TLE1: variants seen among roughly 807,000 people sequenced by gnomAD.
TLE1 encodes the protein transducin-like enhancer protein 1.
In TLE1, 21 loss-of-function variants were observed where a neutral mutation model predicts 89.8. The ratio of observed to expected loss-of-function variants is 0.23; its 90% confidence interval spans 0.17 to 0.34. The LOEUF (loss-of-function observed/expected upper bound fraction) is 0.34. TLE1 is among the 10% of genes least tolerant of loss of function. The pLI, the probability that TLE1 is intolerant of heterozygous loss-of-function variation, is 1.00. For missense variants in TLE1, 795 were observed against 1,031.2 expected (o/e 0.77, Z 3.14); for synonymous variants, 447 against 407.6 (o/e 1.10, Z -1.16).
Position 81,611,805 on chromosome 9 carries a change from G to A in TLE1, c.1218C>T (p.Ala406=), listed in dbSNP as rs752684376. 1.4e-4 allele frequency: 214 copies of A among 1,548,164 alleles called. No individual in the cohort carries two copies. Among genetic ancestry groups the A allele is most frequent in the South Asian group, 3.6e-5 (3 of 82,454 alleles). Residue 406 remains alanine (A), a synonymous_variant, in exon 13 of 20, where the codon GCC becomes GCT. Transcript: ENST00000376499. The part of the protein sequence containing the change: ...NMSPQMSAAA[A]AAAVVAYGRS... ...GCCCGTAGGCCACCACGGCGGCCGC[G>A]GCGGCTGCGGCGCTCATCTGGGGCG...
chr9:81,612,312 G>A (rs1358744348), intron 12 of TLE1: 36 of 1,041,724 alleles, frequency 3.5e-5, no homozygotes, highest in Admixed American at 5.6e-5. Context: ...CTCAAAAGAA[G>A]ATTTTCTCGA....
At chr9:81,620,617 C>T in intron 8 of TLE1, 60 bp from the exon 9 acceptor site, 1 of 1,570,740 alleles carries the variant, frequency 6.4e-7, no homozygotes. Flanking sequence ...CACATGAAAC[C>T]CAACCTCGAT....
At chr9:81,651,596 A>C (rs1427875209) in intron 6 of TLE1, among the ~76,000 whole-genome samples, 1 of 152,214 alleles carries the variant, frequency 6.6e-6, no homozygotes, top group Non-Finnish European at 1.5e-5. Context: ...AGAAAGAACA[A>C]GAGCCAACAG....
intron 4 of TLE1, 43 bp downstream of exon 4, chr9:81,685,633 G>C (rs1385231748): frequency 3.8e-6 from 6 of 1,598,920 alleles, no homozygotes; most frequent in Non-Finnish European, 5.1e-6. Flanking sequence ...TAAATCATAT[G>C]AACTGATGTC....
At chr9:81,643,159 G>A (rs1016093544) in intron 6 of TLE1, among the ~76,000 whole-genome samples, 4 of 152,050 alleles carry the variant, frequency 2.6e-5, no homozygotes, top group African/African-American at 9.7e-5. Flanking sequence ...GGTACAACAC[G>A]GTGACTATAG....
chr9:81,686,611 T>G (rs748321881), intron 2 of TLE1, among the ~76,000 whole-genome samples: 20 of 152,224 alleles, frequency 1.3e-4, no homozygotes, highest in Non-Finnish European at 2.8e-4. Context: ...CAGTTATTTC[T>G]GAGTTAGAAT....
chr9:81,665,963 T>C (rs927521521), intron 4 of TLE1, among the ~76,000 whole-genome samples: 1 of 152,130 alleles, frequency 6.6e-6, no homozygotes, highest in Non-Finnish European at 1.5e-5. Flanking sequence ...GTCTAATTAA[T>C]GACTTAAATG....
At chr9:81,631,038 T>C (rs1379682495) in intron 8 of TLE1, among the ~76,000 whole-genome samples, 3 of 152,212 alleles carry the variant, frequency 2.0e-5, no homozygotes, top group Non-Finnish European at 4.4e-5. Context: ...GTTCTGAAAA[T>C]ATTCATTGAA....
At chr9:81,687,534 A>C (rs1834463419) in intron 1 of TLE1, 100 bp from the exon 2 acceptor site, 1 of 864,766 alleles carries the variant, frequency 1.2e-6, no homozygotes, top group African/African-American at 1.7e-5. Flanking sequence ...ATAAACATAA[A>C]GTTAGAAGTG....
At chr9:81,663,717 G>A (rs1276129754) in intron 4 of TLE1, among the ~76,000 whole-genome samples, 1 of 151,496 alleles carries the variant, frequency 6.6e-6, no homozygotes, top group Non-Finnish European at 1.5e-5. Flanking sequence ...CTGCCTCCCG[G>A]GTTCACGCCA....
rs1019304830 is a variant in TLE1, at chr9:81,611,871, C to T, written c.1152G>A (p.Leu384=). The T allele has an allele frequency of 2.6e-6, 4 of 1,556,010 alleles. No homozygotes were observed. In the African/African-American group the frequency reaches 5.7e-5, roughly 22 times the overall value. The change falls in exon 13 of 20, where the codon CTG becomes CTA. Residue 384 remains leucine, a synonymous_variant. Transcript: ENST00000376499. ...MVPHAGMNGE[L]TSPGAAYASL... is the part of the protein sequence containing the mutation. Reference sequence around the variant, plus strand: ...TGGCGTAGGCAGCGCCTGGGCTGGTCAGCTCGCCGTTCATGCCAGCGTGGG... The same window carrying T: ...TGGCGTAGGCAGCGCCTGGGCTGGTTAGCTCGCCGTTCATGCCAGCGTGGG...
In TLE1 at chr9:81,591,013, C is replaced by A; in HGVS notation, c.1621G>T (p.Asp541Tyr). ...CCTCCCACTATGAGAGTGCAGCCAT[C>A]GGGTAGCAATTTACAGGAACGGATA... is the stretch of plus-strand genomic sequence containing the variant. ...NYIRSCKLLP[D>Y]GCTLIVGGEA... Residue 541 changes from aspartate to tyrosine, a missense_variant, in exon 16 of 20, where the codon GAT becomes TAT. Transcript: ENST00000376499. 1 of 1,614,194 alleles carries A rather than the reference C, an allele frequency of 6.2e-7. No individual in the cohort carries two copies. Among genetic ancestry groups the A allele is most frequent in the Non-Finnish European group, 8.5e-7 (1 of 1,180,030 alleles).
intron 14 of TLE1, among the ~76,000 whole-genome samples, chr9:81,594,551 A>C (rs554164132): frequency 8.5e-5 from 13 of 152,262 alleles, no homozygotes; most frequent in African/African-American, 3.1e-4. Flanking sequence ...CTTAAAAAAA[A>C]AAAAAATTAT....
At chr9:81,679,094 A>T (rs1169071689) in intron 4 of TLE1, among the ~76,000 whole-genome samples, 1 of 152,158 alleles carries the variant, frequency 6.6e-6, no homozygotes, top group Non-Finnish European at 1.5e-5. Flanking sequence ...GCTGCAGTGA[A>T]CCAAGATTGC....
At chr9:81,670,598 G>A (rs1832088689) in intron 4 of TLE1, among the ~76,000 whole-genome samples, 1 of 151,918 alleles carries the variant, frequency 6.6e-6, no homozygotes, top group Non-Finnish European at 1.5e-5. Flanking sequence ...GCCTCCCAAA[G>A]TGCTGGGATT....
chr9:81,584,434 G>A lies in TLE1; in HGVS notation c.2205+14C>T. ...TGGTCAAACTGTGGATCTAGGTGAG[G>A]AGTACTTACTCACCTGGAATATGCT... On this transcript the variant is annotated intron_variant, in intron 19 of 19. Coordinates refer to ENST00000376499, the MANE Select transcript of TLE1 (RefSeq NM_005077.5). 6.2e-7 allele frequency: 1 copy of A among 1,613,488 alleles called. No homozygotes were observed. Among genetic ancestry groups the A allele is most frequent in the East Asian group, 2.2e-5 (1 of 44,866 alleles).
At position 81,584,131 on chromosome 9, in the gene TLE1, T is replaced by C; in HGVS notation, c.*67A>G. 7.1e-7 allele frequency: 1 copy of C among 1,416,686 alleles called. No individual in the cohort carries two copies. Among genetic ancestry groups the C allele is most frequent in the Middle Eastern group, 1.8e-4 (1 of 5,566 alleles). The allele number at this position is 1,416,686 out of a possible 1,614,324, so 87.8% of individuals were successfully genotyped here. A position where few individuals can be genotyped will look rare whatever the true frequency, so the allele number is the denominator to read the frequency against. ...TTTTTCTCTTTTAAAGTTACAACTT[T>C]TCTATTTCTATAAATTCGAAACATT... On this transcript the variant is annotated 3_prime_UTR_variant, in exon 20 of 20. Coordinates refer to ENST00000376499, the MANE Select transcript of TLE1 (RefSeq NM_005077.5).
chr9:81,670,057 C>T (rs1440438006), intron 4 of TLE1, among the ~76,000 whole-genome samples: 2 of 152,154 alleles, frequency 1.3e-5, no homozygotes, highest in East Asian at 1.9e-4. Context: ...TCCATGACAA[C>T]GTTGGCCAAC....
rs201496962 is a variant in TLE1 at position 81,620,522 on chromosome 9, G to A, written c.630C>T (p.Gly210=). Residue 210 remains glycine (G), a synonymous_variant, in exon 9 of 20, where the codon GGC becomes GGT. Transcript: ENST00000376499. ...NSLLVPDSLR[G]TDKRRNGPEF... is the part of the protein sequence containing the mutation. ...CAGGTCCATTTCTGCGTTTATCTGT[G>A]CCTCTTAGACTGTCTGGGACCAGGA... The A allele has an allele frequency of 9.9e-5, 159 of 1,613,830 alleles. 1 individual carries two copies. The Middle Eastern group carries it at 2.3e-3, about 23-fold the overall frequency.
Sources: allele counts gnomAD v4.1 joint callset (sites outside exome capture counted in the v4.1 genomes callset), GRCh38; gene constraint gnomAD v4.1.1; transcripts MANE v1.5; gene names NCBI Gene and HGNC (gene_info 2026-07-23, HGNC 2026-07-21).